SPTLC3: variants seen among roughly 807,000 people sequenced by gnomAD.
The protein encoded by SPTLC3 is serine palmitoyltransferase 3.
A neutral mutation model predicts 59.3 loss-of-function variants in SPTLC3; 36 were observed. The observed-to-expected ratio is 0.61, with a 90% CI of 0.47 to 0.80. The LOEUF (loss-of-function observed/expected upper bound fraction) is 0.80, where lower values mean the gene tolerates loss of function less well. Ranked by LOEUF, SPTLC3 falls within the 30% of genes least tolerant of loss-of-function variation. The probability of loss-of-function intolerance (pLI) is 0.00; values close to 1 mark genes in which losing one functional copy is unlikely to be tolerated. For missense variants in SPTLC3, 625 were observed against 685.1 expected, an observed-to-expected ratio of 0.91 and a Z score of 0.98; for synonymous variants, 257 against 240.8, an observed-to-expected ratio of 1.07 and a Z score of -0.62.
intron 1 of SPTLC3, among the ~76,000 whole-genome samples, chr20:13,020,469 C>A (rs3848766): frequency 0.57 from 85,957 of 152,010 alleles, 26,969 homozygotes; most frequent in South Asian, 0.71. Context: ...TCAAGGTTAC[C>A]GTGAGCTGTG....
Position 13,117,718 on chromosome 20 carries a change from G to A in SPTLC3, c.1145G>A (p.Gly382Glu). 6.2e-7 allele frequency: 1 copy of A among 1,610,390 alleles called. No homozygotes were observed. The highest frequency in any genetic ancestry group is 1.1e-5 in the South Asian group (1 of 90,650). Reference protein sequence around the residue: ...SFGASGGYIAGRKDLVDYLRV... With the variant: ...SFGASGGYIAERKDLVDYLRV... ...GGAGCTTCAGGAGGTTACATAGCTG[G>A]AAGGAAGGTAAGAGAGGGCCTGCTT... Residue 382 changes from glycine to glutamate, a missense_variant, in exon 8 of 12, where the codon GGA becomes GAA. Gly to Glu is a moderately conservative substitution (Grantham distance 98). Transcript: ENST00000399002.
intron 7 of SPTLC3, among the ~76,000 whole-genome samples, chr20:13,113,309 G>T (rs1990347641): frequency 6.6e-6 from 1 of 152,104 alleles, no homozygotes; most frequent in Admixed American, 6.6e-5. Context: ...TATCTTGTTG[G>T]TACCTACACA....
intron 1 of SPTLC3, among the ~76,000 whole-genome samples, chr20:13,037,919 A>C (rs914672903): frequency 2.6e-5 from 4 of 152,008 alleles, no homozygotes; most frequent in African/African-American, 9.7e-5. Context: ...GATGAGACAT[A>C]CCAGCTCGTG....
At chr20:13,156,680 A>T (rs1381903172) in intron 10 of SPTLC3, among the ~76,000 whole-genome samples, 1 of 152,244 alleles carries the variant, frequency 6.6e-6, no homozygotes, top group Non-Finnish European at 1.5e-5. Flanking sequence ...GCATCAATTA[A>T]TAAAGTCATT....
intron 3 of SPTLC3, among the ~76,000 whole-genome samples, chr20:13,073,350 T>C (rs919392405): frequency 6.6e-6 from 1 of 152,224 alleles, no homozygotes; most frequent in Non-Finnish European, 1.5e-5. Flanking sequence ...TAAAGGCCTC[T>C]AGTTCCATCC....
At chr20:13,050,741 A>T (rs1987450683) in intron 2 of SPTLC3, 1 of 152,216 alleles carries the variant, frequency 6.6e-6, no homozygotes, top group Non-Finnish European at 1.5e-5. Flanking sequence ...CAGAAACCCT[A>T]CAAGCTAAGA....
intron 8 of SPTLC3, among the ~76,000 whole-genome samples, chr20:13,118,657 G>T (rs1383017948): frequency 6.6e-6 from 1 of 152,136 alleles, no homozygotes; most frequent in Non-Finnish European, 1.5e-5. Context: ...TGACAGTGAT[G>T]TTGGCTCAGC....
At chr20:13,022,472 C>T (rs976183769) in intron 1 of SPTLC3, among the ~76,000 whole-genome samples, 1 of 152,190 alleles carries the variant, frequency 6.6e-6, no homozygotes, top group Admixed American at 6.5e-5. Flanking sequence ...GTGAGGACAG[C>T]TCTCCCCTGC....
intron 4 of SPTLC3, chr20:13,079,775 G>A: frequency 4.3e-6 from 2 of 469,980 alleles, no homozygotes; most frequent in East Asian, 7.1e-5. Context: ...CTGGCAGAAT[G>A]CCCTCTGTGT....
Position 13,030,909 on chromosome 20 carries a change from A to C in SPTLC3, c.118-18036A>C, listed in dbSNP as rs371644656. ...CTAGGTCAGATCCCATCCTATAACC[A>C]CTCCACAGCACTCTTAATTACTTAT... On this transcript the variant is annotated intron_variant, in intron 1 of 11. Transcript: ENST00000399002. 2.9e-3 allele frequency among the ~76,000 whole-genome samples: 436 copies of C among 151,396 alleles called. 4 individuals are homozygous for C. Among genetic ancestry groups the C allele is most frequent in the African/African-American group, 0.01 (421 of 41,252 alleles).
intron 9 of SPTLC3, among the ~76,000 whole-genome samples, chr20:13,150,113 A>G (rs1207811259): frequency 6.6e-6 from 1 of 152,164 alleles, no homozygotes; most frequent in Non-Finnish European, 1.5e-5. Context: ...TCACCTTTAA[A>G]ATAATCCTTA....
chr20:13,057,745 T>C (rs1315750613), intron 2 of SPTLC3, among the ~76,000 whole-genome samples: 1 of 152,200 alleles, frequency 6.6e-6, no homozygotes, highest in Non-Finnish European at 1.5e-5. Context: ...TGCGACTCTT[T>C]AGTTTTGGGC....
At chr20:13,034,854 C>T (rs1986665028) in intron 1 of SPTLC3, among the ~76,000 whole-genome samples, 1 of 152,068 alleles carries the variant, frequency 6.6e-6, no homozygotes, top group Non-Finnish European at 1.5e-5. Context: ...TTGTCTAGCA[C>T]CTGCAGAGTT....
At chr20:13,117,772 G>T in intron 8 of SPTLC3, 47 bp downstream of exon 8, 1 of 1,525,422 alleles carries the variant, frequency 6.6e-7, no homozygotes. Flanking sequence ...AGCGCCCTGG[G>T]GATGCCGTGT....
At chr20:13,034,709 T>G (rs1373405166) in intron 1 of SPTLC3, among the ~76,000 whole-genome samples, 1 of 152,022 alleles carries the variant, frequency 6.6e-6, no homozygotes, top group East Asian at 1.9e-4. Flanking sequence ...ACACATAAAA[T>G]TAAACTACCC....
chr20:13,025,780 A>G (rs1050908392), intron 1 of SPTLC3, among the ~76,000 whole-genome samples: 4 of 152,106 alleles, frequency 2.6e-5, no homozygotes, highest in African/African-American at 9.7e-5. Context: ...CCTGTTATAT[A>G]GGTAAACTTG....
intron 1 of SPTLC3, among the ~76,000 whole-genome samples, chr20:13,040,161 T>C (rs1456872422): frequency 1.3e-5 from 2 of 152,058 alleles, no homozygotes; most frequent in Non-Finnish European, 2.9e-5. Context: ...GTTTTATTCA[T>C]TAGTTGCTGT....
chr20:13,131,728 A>T (rs2038123963), intron 9 of SPTLC3, among the ~76,000 whole-genome samples: 1 of 152,036 alleles, frequency 6.6e-6, no homozygotes. Flanking sequence ...TATTCTCCCC[A>T]CTTTTGCTCT....
At chr20:13,119,281 G>T (rs1043838711) in intron 8 of SPTLC3, among the ~76,000 whole-genome samples, 1 of 152,150 alleles carries the variant, frequency 6.6e-6, no homozygotes, top group Non-Finnish European at 1.5e-5. Context: ...TTGAAATGTT[G>T]TCAAATTTGG....
Sources: gnomAD v4.1 joint callset for allele counts (sites outside exome capture counted in the v4.1 genomes callset) on GRCh38, gnomAD v4.1.1 for gene constraint, MANE v1.5 for transcripts, NCBI Gene and HGNC (gene_info 2026-07-23, HGNC 2026-07-21) for gene names.